The following TMEM154 variants were observed in gnomAD, a reference collection of about 807,000 sequenced individuals.
TMEM154 encodes the protein transmembrane protein 154.
A neutral mutation model predicts 24.5 loss-of-function variants in TMEM154; 27 were observed. The ratio of observed to expected loss-of-function variants is 1.10; its 90% CI spans 0.81 to 1.52. The LOEUF is 1.52. Ranked by LOEUF, TMEM154 falls within the 40% of genes most tolerant of loss-of-function variation. TMEM154 has a pLI of 0.00. For synonymous variants in TMEM154, 67 were observed against 76.8 expected (o/e 0.87, Z 0.67); for missense variants, 228 against 213.4 (o/e 1.07, Z -0.43).
intron 1 of TMEM154, among the ~76,000 whole-genome samples, chr4:152,675,829 G>A (rs1728943367): frequency 6.6e-6 from 1 of 152,186 alleles, no homozygotes; most frequent in Non-Finnish European, 1.5e-5. Context: ...TAGGCAAGCT[G>A]CAGTTTGCAT....
intron 6 of TMEM154, among the ~76,000 whole-genome samples, chr4:152,639,058 C>T (rs1414268394): frequency 6.6e-6 from 1 of 152,190 alleles, no homozygotes; most frequent in East Asian, 1.9e-4. Context: ...TGAAGGGATT[C>T]TCCTGCTTCA....
At chr4:152,634,307 C>T (rs773313568) in intron 6 of TMEM154, among the ~76,000 whole-genome samples, 11 of 152,144 alleles carry the variant, frequency 7.2e-5, no homozygotes, top group Non-Finnish European at 1.3e-4. Context: ...CTCTTTATGA[C>T]CACAGCTCAT....
chr4:152,679,861 G>A lies in TMEM154; in HGVS notation c.64+9C>T. 1 of 1,605,246 alleles carries A rather than the reference G, an allele frequency of 6.2e-7. No individual in the cohort carries two copies. Among genetic ancestry groups the A allele is most frequent in the South Asian group, 1.1e-5 (1 of 88,894 alleles). ...TCCTTCCCAGGAGTAGGAAGTGGAG[G>A]CGGCTTACCCCGGCCGACGGGAACG... On this transcript the variant is annotated intron_variant, in intron 1 of 6. Transcript: ENST00000304385.
chr4:152,638,520 A>AT (rs375420825), intron 6 of TMEM154, among the ~76,000 whole-genome samples: 215 of 151,740 alleles, frequency 1.4e-3, no homozygotes, highest in African/African-American at 5.0e-3. Flanking sequence ...AAGGAAGTGA[A>AT]TTTTTTTTTA....
intron 1 of TMEM154, among the ~76,000 whole-genome samples, chr4:152,672,043 C>T (rs575258025): frequency 6.7e-6 from 1 of 149,462 alleles, no homozygotes; most frequent in South Asian, 2.1e-4. Flanking sequence ...CGGCTTGAGC[C>T]CAAAAGTTCA....
intron 6 of TMEM154, 77 bp from the exon 7 acceptor site, chr4:152,628,638 C>CTTTTT: frequency 1.1e-6 from 1 of 945,508 alleles, no homozygotes; most frequent in Non-Finnish European, 1.3e-6. Context: ...ATATTTCTTT[C>CTTTTT]TTTTTTTTTT....
intron 1 of TMEM154, among the ~76,000 whole-genome samples, chr4:152,656,943 G>A (rs926480499): frequency 1.3e-4 from 20 of 151,116 alleles, no homozygotes; most frequent in African/African-American, 4.4e-4. Flanking sequence ...ACAATTCAGG[G>A]TATGAATGAG....
At chr4:152,634,889 T>C (rs1752118441) in intron 6 of TMEM154, among the ~76,000 whole-genome samples, 1 of 152,232 alleles carries the variant, frequency 6.6e-6, no homozygotes, top group Non-Finnish European at 1.5e-5. Flanking sequence ...CTACACTCCT[T>C]GACTTATGAT....
intron 3 of TMEM154, among the ~76,000 whole-genome samples, chr4:152,648,958 A>G (rs1458069317): frequency 2.0e-5 from 3 of 152,206 alleles, no homozygotes; most frequent in Non-Finnish European, 4.4e-5. Context: ...TGACCATGTT[A>G]TTAGGAAGTC....
rs1023217144 is a variant in TMEM154 at position 152,645,086 on chromosome 4, T to A, written c.365-644A>T. ...CACCTTGCTTGCATCTTTCATAATA[T>A]TGGCCACAATTTCTCATTGGTCAAC... On this transcript the variant is annotated intron_variant, in intron 3 of 6. Transcript: ENST00000304385. Among the ~76,000 whole-genome samples the A allele has an allele frequency of 1.6e-4, 24 of 149,362 alleles. No individual in the cohort carries two copies. In the Admixed American group the frequency reaches 1.6e-3, roughly 10 times the overall value.
At chr4:152,659,259 G>A (rs1728549907) in intron 1 of TMEM154, among the ~76,000 whole-genome samples, 1 of 152,156 alleles carries the variant, frequency 6.6e-6, no homozygotes, top group African/African-American at 2.4e-5. Flanking sequence ...AATAAGACAG[G>A]CACAGAAAGA....
chr4:152,632,080 T>G (rs1337802026), intron 6 of TMEM154, among the ~76,000 whole-genome samples: 1 of 152,178 alleles, frequency 6.6e-6, no homozygotes, highest in African/African-American at 2.4e-5. Flanking sequence ...GTGCTGGGAT[T>G]ACAGGCGTGC....
chr4:152,646,874 G>A, intron 3 of TMEM154: 1 of 695,358 alleles, frequency 1.4e-6, no homozygotes, highest in Admixed American at 2.0e-5. Flanking sequence ...TACTGAGTAA[G>A]CCAGGCATCA....
chr4:152,672,726 T>C (rs765144673), intron 1 of TMEM154, among the ~76,000 whole-genome samples: 2 of 152,196 alleles, frequency 1.3e-5, no homozygotes. Flanking sequence ...TATGAAAGTA[T>C]ACCTACTGAA....
In TMEM154 at chr4:152,621,400, A is replaced by C. The variant is rs556430721; in HGVS notation, c.*7146T>G. 57 of 152,356 alleles carry C rather than the reference A, an allele frequency of 3.7e-4. 1 individual carries two copies. The highest frequency in any genetic ancestry group is 1.2e-3 in the African/African-American group (51 of 41,588). 9.4% of individuals were successfully genotyped at this position (152,356 alleles called of 1,614,324 possible). On this transcript the variant is annotated 3_prime_UTR_variant, in exon 7 of 7. Coordinates refer to ENST00000304385, the MANE Select transcript of TMEM154 (RefSeq NM_152680.3). ...GGAACTTAATTCCTAACTGATCCAC[A>C]TGATGAATGCTGGTCAAGATGCATC...
At chr4:152,643,491 G>A (rs1430635435) in intron 4 of TMEM154, among the ~76,000 whole-genome samples, 1 of 152,244 alleles carries the variant, frequency 6.6e-6, no homozygotes, top group Non-Finnish European at 1.5e-5. Flanking sequence ...CTCCCAGGGT[G>A]AGGCCCTTCC....
intron 3 of TMEM154, among the ~76,000 whole-genome samples, chr4:152,645,559 C>G (rs370634119): frequency 7.9e-5 from 12 of 152,292 alleles, no homozygotes; most frequent in African/African-American, 2.9e-4. Flanking sequence ...GCCTGCTGCA[C>G]CATTCATCAT....
chr4:152,672,379 A>G (rs1728859290), intron 1 of TMEM154, among the ~76,000 whole-genome samples: 1 of 152,258 alleles, frequency 6.6e-6, no homozygotes. Flanking sequence ...AGAAGCAATC[A>G]GAGTCACAGT....
chr4:152,670,236 G>C (rs551764881), intron 1 of TMEM154: 1 of 152,344 alleles, frequency 6.6e-6, no homozygotes, highest in Non-Finnish European at 1.5e-5. Context: ...GCTGGCGGGG[G>C]CAGAGTGCAA....
Sources: gnomAD v4.1 joint callset for allele counts (sites outside exome capture counted in the v4.1 genomes callset) on GRCh38, gnomAD v4.1.1 for gene constraint, MANE v1.5 for transcripts, NCBI Gene and HGNC (gene_info 2026-07-23, HGNC 2026-07-21) for gene names.